NFATC3: variants seen among roughly 807,000 people sequenced by gnomAD.
The protein encoded by NFATC3 is nuclear factor of activated T-cells, cytoplasmic 3.
In NFATC3, 46 loss-of-function variants were observed where a neutral mutation model predicts 98.6. The observed-to-expected ratio is 0.47, with a 90% CI of 0.37 to 0.60. The LOEUF is 0.60. NFATC3 is among the 20% of genes least tolerant of loss of function. The pLI is 0.00. For missense variants in NFATC3, 1,256 were observed against 1,295.5 expected (o/e 0.97, Z 0.47); for synonymous variants, 512 against 472.2 (o/e 1.08, Z -1.09).
chr16:68,226,322 A>G, intron 9 of NFATC3, 28 bp from the exon 10 acceptor site: 2 of 1,556,496 alleles, frequency 1.3e-6, no homozygotes, highest in Non-Finnish European at 1.7e-6. Flanking sequence ...AGAGGTCACT[A>G]ATCACTCTCC....
intron 4 of NFATC3, among the ~76,000 whole-genome samples, chr16:68,158,798 T>C (rs1025513137): frequency 1.3e-5 from 2 of 152,100 alleles, no homozygotes; most frequent in Non-Finnish European, 2.9e-5. Context: ...GGAGGAAGGG[T>C]AAAAGGGAAC....
chr16:68,181,968 C>G lies in NFATC3; in HGVS notation c.1971+438C>G, dbSNP rs1216831786. On this transcript the variant is annotated intron_variant, in intron 7 of 9. Coordinates refer to ENST00000346183, the MANE Select transcript of NFATC3 (RefSeq NM_173165.3). ...AGCGGTTTGGAAGTAAAATATTTAC[C>G]TAGTATTAAAGTAAATTAAATTAAA... 3.9e-5 allele frequency among the ~76,000 whole-genome samples: 6 copies of G among 152,000 alleles called. No homozygotes were observed. The South Asian group carries it at 1.0e-3, about 26-fold the overall frequency.
At chr16:68,217,981 A>G (rs2041701711) in intron 9 of NFATC3, 4 of 1,202,350 alleles carry the variant, frequency 3.3e-6, no homozygotes, top group South Asian at 4.3e-5. Flanking sequence ...GCAGCCTACC[A>G]TAGATACCTT....
intron 3 of NFATC3, among the ~76,000 whole-genome samples, chr16:68,143,984 A>C (rs2037897690): frequency 6.6e-6 from 1 of 152,202 alleles, no homozygotes; most frequent in Non-Finnish European, 1.5e-5. Flanking sequence ...TACCTAAAAG[A>C]AAAAAATTGA....
intron 6 of NFATC3, among the ~76,000 whole-genome samples, chr16:68,178,553 AC>A (rs956179966): frequency 3.9e-5 from 6 of 152,332 alleles, no homozygotes; most frequent in African/African-American, 1.4e-4. Flanking sequence ...TGGGGGAAGC[AC>A]CTATAAACAA....
At chr16:68,183,085 C>G (rs1049831474) in intron 7 of NFATC3, among the ~76,000 whole-genome samples, 155 bp from the exon 8 acceptor site, 2 of 152,266 alleles carry the variant, frequency 1.3e-5, no homozygotes, top group East Asian at 3.9e-4. Context: ...TGAAGTATCC[C>G]TTTAGTAAAT....
chr16:68,146,237 T>C (rs949167846), intron 3 of NFATC3, among the ~76,000 whole-genome samples: 9 of 152,058 alleles, frequency 5.9e-5, no homozygotes, highest in Admixed American at 3.3e-4. Context: ...TACATACTAT[T>C]TTTGCAACTT....
chr16:68,133,884 T>TAA (rs529456671), intron 3 of NFATC3, among the ~76,000 whole-genome samples: 4 of 147,250 alleles, frequency 2.7e-5, no homozygotes, highest in Non-Finnish European at 4.5e-5. Flanking sequence ...CCCTTTTTTT[T>TAA]AAAAAAAAAA....
chr16:68,100,238 A>C (rs2035272452), intron 1 of NFATC3, among the ~76,000 whole-genome samples: 1 of 152,014 alleles, frequency 6.6e-6, no homozygotes, highest in Non-Finnish European at 1.5e-5. Context: ...AAATACCCAG[A>C]AGTACAAATG....
rs915655496 is a variant in NFATC3 at position 68,227,320 on chromosome 16, G to A, written c.*849G>A. On this transcript the variant is annotated 3_prime_UTR_variant, in exon 10 of 10. Coordinates refer to ENST00000346183, the MANE Select transcript of NFATC3 (RefSeq NM_173165.3). Reference sequence around the variant, plus strand: ...CCATCATAAAAACTAGTAGGCTGTGGAGTGCGCTTCCTGTTTGTGTCATCT... The same window carrying A: ...CCATCATAAAAACTAGTAGGCTGTGAAGTGCGCTTCCTGTTTGTGTCATCT... 3.9e-5 allele frequency: 6 copies of A among 152,158 alleles called. No individual in the cohort carries two copies. Among genetic ancestry groups the A allele is most frequent in the African/African-American group, 1.4e-4 (6 of 41,428 alleles). The allele number at this position is 152,158 out of a possible 1,614,324, so 9.4% of individuals were successfully genotyped here.
chr16:68,212,785 C>CTTTTTTTTTTTTTTTTTTTTTTT (rs534732425), intron 9 of NFATC3: 2 of 106,934 alleles, frequency 1.9e-5, no homozygotes, highest in African/African-American at 3.8e-5. Flanking sequence ...ATTTCTTTCT[C>CTTTTTTTTTTTTTTTTTTTTTTT]TTTTTTTTTT....
chr16:68,085,614 T>TGCTGCCGCCGCTTGCCGCTGCC lies in NFATC3; in HGVS notation c.-65_-44dup. 5 of 1,380,312 alleles carry TGCTGCCGCCGCTTGCCGCTGCC rather than the reference T, an allele frequency of 3.6e-6. No individual in the cohort carries two copies. Among genetic ancestry groups the TGCTGCCGCCGCTTGCCGCTGCC allele is most frequent in the East Asian group, 3.0e-5 (1 of 33,022 alleles). The allele number at this position is 1,380,312 out of a possible 1,614,324, so 85.5% of individuals were successfully genotyped here. A position where few individuals can be genotyped will look rare whatever the true frequency, so the allele number is the denominator to read the frequency against. On this transcript the variant is annotated 5_prime_UTR_variant, in exon 1 of 10. Transcript: ENST00000346183. ...CCGGCATGAAGCGGCGTTGAGGAGC[T>TGCTGCCGCCGCTTGCCGCTGCC]GCTGCCGCCGCTTGCCGCTGCCGCC...
intron 9 of NFATC3, chr16:68,212,638 C>T (rs1240119752): frequency 1.3e-5 from 2 of 151,906 alleles, no homozygotes; most frequent in Non-Finnish European, 2.9e-5. Flanking sequence ...TGACAGCTTC[C>T]TACAATAAAA....
rs2042064990 is a variant in NFATC3, at chr16:68,227,790, G to A, written c.*1319G>A. On this transcript the variant is annotated 3_prime_UTR_variant, in exon 10 of 10. Transcript: ENST00000346183. ...GTCTACCAAAGGAGGTACCCGAGTT[G>A]GGTACTTTAAAAAAAAAAAAAACCT... 6.6e-6 allele frequency: 1 copy of A among 151,214 alleles called. No homozygotes were observed. The highest frequency in any genetic ancestry group is 2.1e-4 in the South Asian group (1 of 4,786). 9.4% of individuals were successfully genotyped at this position (151,214 alleles called of 1,614,324 possible).
At chr16:68,218,445 C>T (rs1264055025) in intron 9 of NFATC3, among the ~76,000 whole-genome samples, 2 of 139,810 alleles carry the variant, frequency 1.4e-5, no homozygotes. Context: ...AGGTTTGGTG[C>T]TGTGCAGGTT....
intron 1 of NFATC3, among the ~76,000 whole-genome samples, chr16:68,119,856 A>T (rs1427453784): frequency 2.0e-4 from 31 of 152,150 alleles, no homozygotes; most frequent in Admixed American, 2.0e-3. Flanking sequence ...CTGCTTACAT[A>T]GTAGTTGCTA....
At chr16:68,133,536 A>T (rs1410132923) in intron 3 of NFATC3, among the ~76,000 whole-genome samples, 1 of 152,182 alleles carries the variant, frequency 6.6e-6, no homozygotes, top group Non-Finnish European at 1.5e-5. Flanking sequence ...AATACCACAC[A>T]GGTTAACATG....
In NFATC3 at chr16:68,085,580, C is replaced by T; in HGVS notation, c.-102C>T. On this transcript the variant is annotated 5_prime_UTR_variant, in exon 1 of 10. Transcript: ENST00000346183. ...TGCCGTGGAGTCGCGACCTCTTGGC[C>T]CGCGCGGCCCGGCATGAAGCGGCGT... 9.4e-7 allele frequency: 1 copy of T among 1,065,136 alleles called. No individual in the cohort carries two copies. Among genetic ancestry groups the T allele is most frequent in the South Asian group, 1.7e-5 (1 of 58,706 alleles). The allele number at this position is 1,065,136 out of a possible 1,614,324, so 66.0% of individuals were successfully genotyped here. A position where few individuals can be genotyped will look rare whatever the true frequency, so the allele number is the denominator to read the frequency against.
intron 1 of NFATC3, among the ~76,000 whole-genome samples, chr16:68,106,926 C>T (rs1292538669): frequency 6.6e-6 from 1 of 152,052 alleles, no homozygotes; most frequent in African/African-American, 2.4e-5. Context: ...ACCCCCACCC[C>T]CAGACAGGCC....
Sources: gnomAD v4.1 joint callset for allele counts (sites outside exome capture counted in the v4.1 genomes callset) on GRCh38, gnomAD v4.1.1 for gene constraint, MANE v1.5 for transcripts, NCBI Gene and HGNC (gene_info 2026-07-23, HGNC 2026-07-21) for gene names.